The following POU6F2 variants were observed in gnomAD, a reference collection of about 807,000 sequenced individuals.
The protein encoded by POU6F2 is POU domain, class 6, transcription factor 2.
A neutral mutation model predicts 71.3 loss-of-function variants in POU6F2; 31 were observed. The ratio of observed to expected loss-of-function variants is 0.43; its 90% CI spans 0.33 to 0.59. The LOEUF (loss-of-function observed/expected upper bound fraction) is 0.59. POU6F2 is among the 20% of genes least tolerant of loss of function. The pLI is 0.04. For missense variants in POU6F2, 783 were observed against 856.8 expected (o/e 0.91, Z 1.07); for synonymous variants, 347 against 355.7 (o/e 0.98, Z 0.27).
chr7:39,264,346 C>T (rs1784201287), intron 4 of POU6F2, among the ~76,000 whole-genome samples: 1 of 152,216 alleles, frequency 6.6e-6, no homozygotes, highest in Non-Finnish European at 1.5e-5. Context: ...TGCACTTGGA[C>T]GCCCAGCCAT....
chr7:39,015,425 TTATA>T (rs1309585328), intron 1 of POU6F2, among the ~76,000 whole-genome samples: 2 of 128,844 alleles, frequency 1.6e-5, no homozygotes, highest in South Asian at 2.3e-4. Flanking sequence ...ATAATATCTA[TTATA>T]TATAATATAT....
At chr7:39,054,987 G>A (rs900678217) in intron 1 of POU6F2, among the ~76,000 whole-genome samples, 10 of 152,094 alleles carry the variant, frequency 6.6e-5, no homozygotes, top group East Asian at 5.8e-4. Flanking sequence ...TGGAGTCTCC[G>A]GTGGGGGAGA....
intron 2 of POU6F2, among the ~76,000 whole-genome samples, chr7:39,155,451 G>T (rs1291635674): frequency 6.6e-6 from 1 of 152,198 alleles, no homozygotes; most frequent in Non-Finnish European, 1.5e-5. Context: ...TTTGGGAAAA[G>T]AGGGAGGAGC....
At chr7:39,065,974 A>T (rs934255932) in intron 1 of POU6F2, among the ~76,000 whole-genome samples, 1 of 151,910 alleles carries the variant, frequency 6.6e-6, no homozygotes, top group African/African-American at 2.4e-5. Context: ...TTAACCCACA[A>T]CAGAGCAATT....
At chr7:39,263,728 T>G (rs1204176992) in intron 4 of POU6F2, among the ~76,000 whole-genome samples, 2 of 152,180 alleles carry the variant, frequency 1.3e-5, no homozygotes, top group Non-Finnish European at 2.9e-5. Context: ...TTACCCTTAT[T>G]GCAACCTGAT....
intron 4 of POU6F2, among the ~76,000 whole-genome samples, chr7:39,219,454 A>T (rs769081802): frequency 6.6e-6 from 1 of 152,212 alleles, no homozygotes; most frequent in Non-Finnish European, 1.5e-5. Context: ...CCTTTGGGTC[A>T]TGCCTGCTGT....
chr7:39,001,752 G>A (rs1489731987), intron 1 of POU6F2, among the ~76,000 whole-genome samples: 3 of 152,042 alleles, frequency 2.0e-5, no homozygotes, highest in African/African-American at 4.8e-5. Flanking sequence ...GGTGATGTTG[G>A]TGATGGTGGT....
chr7:39,399,480 T>C (rs761066192), intron 5 of POU6F2, among the ~76,000 whole-genome samples: 90 of 152,154 alleles, frequency 5.9e-4, no homozygotes, highest in Non-Finnish European at 1.1e-3. Context: ...TTTGCTGTAA[T>C]GGGTCACAGA....
intron 2 of POU6F2, among the ~76,000 whole-genome samples, chr7:39,122,427 A>T (rs947361243): frequency 4.6e-5 from 7 of 152,182 alleles, no homozygotes; most frequent in Admixed American, 4.6e-4. Context: ...CTGAATGGGC[A>T]TGTTCATAGG....
At chr7:39,012,508 C>A (rs1789322154) in intron 1 of POU6F2, among the ~76,000 whole-genome samples, 1 of 151,448 alleles carries the variant, frequency 6.6e-6, no homozygotes, top group Non-Finnish European at 1.5e-5. Flanking sequence ...TCGTCTGAAG[C>A]CTTCTTCTCT....
rs548881378 is a variant in POU6F2 at position 39,433,042 on chromosome 7, C to T, written c.1114-35C>T. 93 of 1,609,266 alleles carry T rather than the reference C, an allele frequency of 5.8e-5. No homozygotes were observed. The East Asian group carries it at 1.6e-3, about 27-fold the overall frequency. On this transcript the variant is annotated intron_variant, in intron 6 of 9. Transcript: ENST00000518318. ...TCAGTTGCATGCACAGACCCTTCAC[C>T]GAGCCAGCTCCTCACCTTTGGCCCT...
chr7:39,130,237 T>TAA (rs2128729400), intron 2 of POU6F2, among the ~76,000 whole-genome samples: 1 of 152,074 alleles, frequency 6.6e-6, no homozygotes, highest in South Asian at 2.1e-4. Context: ...AAATTATATT[T>TAA]AATATCAGAT....
At position 39,017,318 on chromosome 7, in the gene POU6F2, T is replaced by C. The variant is rs148132649; in HGVS notation, c.105+39260T>C. On this transcript the variant is annotated intron_variant, in intron 1 of 9. Transcript: ENST00000518318. ...GCTGCGTGTGAACATGTTATGTAGA[T>C]TTGTTAGTGATTTATGTAATCTATC... is the stretch of plus-strand genomic sequence containing the variant. Among the ~76,000 whole-genome samples, 528 of 152,326 alleles carry C rather than the reference T, an allele frequency of 3.5e-3. 8 individuals are homozygous for C. The South Asian group carries it at 0.035, about 10-fold the overall frequency.
chr7:39,183,651 T>G (rs1793478134), intron 2 of POU6F2, among the ~76,000 whole-genome samples: 1 of 152,180 alleles, frequency 6.6e-6, no homozygotes, highest in Admixed American at 6.5e-5. Flanking sequence ...CCACCCTCTT[T>G]GGTCTGTGGA....
intron 2 of POU6F2, among the ~76,000 whole-genome samples, chr7:39,095,020 A>C (rs1187548469): frequency 6.6e-6 from 1 of 152,200 alleles, no homozygotes; most frequent in Non-Finnish European, 1.5e-5. Flanking sequence ...AGAAGCATGC[A>C]AAAAATATTG....
intron 2 of POU6F2, among the ~76,000 whole-genome samples, chr7:39,190,340 G>T (rs1043548553): frequency 6.9e-6 from 1 of 144,954 alleles, no homozygotes. Flanking sequence ...AATGCAGCTT[G>T]GGATTGAAAG....
intron 5 of POU6F2, among the ~76,000 whole-genome samples, chr7:39,345,951 A>G (rs917452558): frequency 3.9e-5 from 6 of 152,242 alleles, no homozygotes; most frequent in Middle Eastern, 3.2e-3. Flanking sequence ...GGCTTCATTC[A>G]TGATTCACTC....
At chr7:39,038,960 GACAA>G (rs1200846161) in intron 1 of POU6F2, among the ~76,000 whole-genome samples, 4 of 151,858 alleles carry the variant, frequency 2.6e-5, no homozygotes, top group Non-Finnish European at 5.9e-5. Flanking sequence ...AATGAGGGAA[GACAA>G]AACTGCTTAT....
chr7:39,418,982 T>C (rs1409663191), intron 6 of POU6F2, among the ~76,000 whole-genome samples: 1 of 136,566 alleles, frequency 7.3e-6, no homozygotes, highest in Non-Finnish European at 1.6e-5. Flanking sequence ...TATGTATATA[T>C]ATGTGTATAT....
Sources: gnomAD v4.1 joint callset for allele counts (sites outside exome capture counted in the v4.1 genomes callset) on GRCh38, gnomAD v4.1.1 for gene constraint, MANE v1.5 for transcripts, NCBI Gene and HGNC (gene_info 2026-07-23, HGNC 2026-07-21) for gene names.